Variants in TAS2R42 observed in about 807,000 individuals in gnomAD.
The protein encoded by TAS2R42 is taste receptor type 2 member 42.
For synonymous variants in TAS2R42, 138 were observed against 133.0 expected (o/e 1.04, Z -0.26); for missense variants, 356 against 356.9 (o/e 1.00, Z 0.02).
chr12:11,186,362 G>T lies in TAS2R42; in HGVS notation c.576C>A (p.Pro192=). The T allele has an allele frequency of 6.2e-7, 1 of 1,612,398 alleles. No individual in the cohort carries two copies. Among genetic ancestry groups the T allele is most frequent in the South Asian group, 1.1e-5 (1 of 91,020 alleles). ...GCAAGGAGGTCAGGAACAGAGAAAA[G>T]GGGATAAAACTGGTCAAGCTGAGAA... ...KTLLSLTSFI[P]FSLFLTSLLF... Residue 192 remains proline (P), a synonymous_variant, in exon 1 of 1, where the codon CCC becomes CCA. Transcript: ENST00000334266.
At position 11,186,435 on chromosome 12, in the gene TAS2R42, A is replaced by G. The variant is rs762510873; in HGVS notation, c.503T>C (p.Leu168Ser). 8.1e-6 allele frequency: 13 copies of G among 1,603,830 alleles called. No homozygotes were observed. The highest frequency in any genetic ancestry group is 3.3e-4 in the Middle Eastern group (2 of 5,990). Reference sequence around the variant, plus strand: ...ATCATAGAGAGTTTTACTTTCATCTAAATATAAAGTCAGATTACTTTTATC... The same window carrying G: ...ATCATAGAGAGTTTTACTTTCATCTGAATATAAAGTCAGATTACTTTTATC... ...IIDKSNLTLY[L>S]DESKTLYDKL... The change falls in exon 1 of 1, where the codon TTA (leucine) becomes TCA (serine). Residue 168 changes from leucine to serine, a missense_variant. Coordinates refer to ENST00000334266, the MANE Select transcript of TAS2R42 (RefSeq NM_181429.2).
the TAS2R42 span, chr12:11,186,400 TAGAG>T: frequency 5.5e-5 from 89 of 1,607,462 alleles, no homozygotes; most frequent in Middle Eastern, 5.0e-4. Context: ...GTTTTTAAAA[TAGAG>T]AGTTTATCAT....
Position 11,186,634 on chromosome 12 carries a change from A to G in TAS2R42, c.304T>C (p.Cys102Arg). ...TTAAAGAAATAGAAAATGCTTAGGCAGGTGGCAAGCCAGGTTGTCAAGTGA... is the reference window on the plus strand; with the variant it reads ...TTAAAGAAATAGAAAATGCTTAGGCGGGTGGCAAGCCAGGTTGTCAAGTGA... ...TNHLTTWLAT[C>R]LSIFYFFKIA... Residue 102 changes from cysteine (C) to arginine (R), a missense_variant, in exon 1 of 1, where the codon TGC becomes CGC. Physicochemically the swap from Cys to Arg is radical, Grantham distance 180. Coordinates refer to ENST00000334266, the MANE Select transcript of TAS2R42 (RefSeq NM_181429.2). 6.2e-7 allele frequency: 1 copy of G among 1,614,128 alleles called. No individual in the cohort carries two copies. The highest frequency in any genetic ancestry group is 2.2e-5 in the East Asian group (1 of 44,882).
At position 11,186,652 on chromosome 12, in the gene TAS2R42, T is replaced by A. The variant is rs757650610; in HGVS notation, c.286A>T (p.Thr96Ser). Residue 96 changes from threonine (T) to serine (S), a missense_variant, in exon 1 of 1, where the codon ACA becomes TCA. Physicochemically the swap from Thr to Ser is moderately conservative, Grantham distance 58 (BLOSUM62 1). Coordinates refer to ENST00000334266, the MANE Select transcript of TAS2R42 (RefSeq NM_181429.2). ...CTTAGGCAGGTGGCAAGCCAGGTTG[T>A]CAAGTGATTAGTCATGTGCCAAAGC... ...IMLWHMTNHL[T>S]TWLATCLSIF... 7 of 1,614,098 alleles carry A rather than the reference T, an allele frequency of 4.3e-6. No homozygotes were observed. In the South Asian group the frequency reaches 7.7e-5, roughly 18 times the overall value.
rs139960283 is a variant in TAS2R42 at position 11,185,997 on chromosome 12, A to C, written c.941T>G (p.Leu314Trp). 1.4e-3 allele frequency: 2,269 copies of C among 1,577,062 alleles called. 40 individuals carry two copies. The African/African-American group carries it at 0.028, about 20-fold the overall frequency. ...NYTKTPNPLPL is the reference protein window; with the variant it reads ...NYTKTPNPLPW ...AAAAGCTTCTGTAAAGTCTGTCTACAAAGGTAAAGGGTTTGGTGTTTTTGT... is the reference window on the plus strand; with the variant it reads ...AAAAGCTTCTGTAAAGTCTGTCTACCAAGGTAAAGGGTTTGGTGTTTTTGT... The change falls in exon 1 of 1, where the codon TTG (leucine) becomes TGG (tryptophan). Residue 314 changes from leucine (L) to tryptophan (W), a missense_variant. Physicochemically the swap from Leu to Trp is moderately conservative, Grantham distance 61. Transcript: ENST00000334266.
Position 11,186,168 on chromosome 12 carries a change from A to G in TAS2R42, c.770T>C (p.Phe257Ser). 3 of 1,614,046 alleles carry G rather than the reference A, an allele frequency of 1.9e-6. No homozygotes were observed. The highest frequency in any genetic ancestry group is 2.2e-5 in the South Asian group (2 of 91,068). ...FFSLQVANWIFFMLWNNKCIK... is the reference protein window; with the variant it reads ...FFSLQVANWISFMLWNNKCIK... Reference sequence around the variant, plus strand: ...GCACTTGTTGTTCCACAACATAAAAAATATCCAATTGGCCACTTGTAAGGA... The same window carrying G: ...GCACTTGTTGTTCCACAACATAAAAGATATCCAATTGGCCACTTGTAAGGA... Residue 257 changes from phenylalanine to serine, a missense_variant, in exon 1 of 1, where the codon TTT becomes TCT. By Grantham distance (155) the Phe-to-Ser change is radical (BLOSUM62 -2). Coordinates refer to ENST00000334266, the MANE Select transcript of TAS2R42 (RefSeq NM_181429.2).
chr12:11,186,073 T>C lies in TAS2R42; in HGVS notation c.865A>G (p.Ser289Gly). The change falls in exon 1 of 1, where the codon AGC becomes GGC. Residue 289 changes from serine (S) to glycine (G), a missense_variant. By Grantham distance (56) the Ser-to-Gly change is moderately conservative. Coordinates refer to ENST00000334266, the MANE Select transcript of TAS2R42 (RefSeq NM_181429.2). ...CTCACAGCTGTCTGTTGCAGCTTGC[T>C]GTTTCCCAGAATGAGAATAAATGAG... ...CHSFILILGNSKLQQTAVRLL... is the reference protein window; with the variant it reads ...CHSFILILGNGKLQQTAVRLL... 1 of 1,614,052 alleles carries C rather than the reference T, an allele frequency of 6.2e-7. No homozygotes were observed. Among genetic ancestry groups the C allele is most frequent in the Non-Finnish European group, 8.5e-7 (1 of 1,179,942 alleles).
rs981527552 is a variant in TAS2R42, at chr12:11,186,228, A to C, written c.710T>G (p.Met237Arg). The C allele has an allele frequency of 1.2e-6, 2 of 1,613,448 alleles. No individual in the cohort carries two copies. Among genetic ancestry groups the C allele is most frequent in the East Asian group, 4.5e-5 (2 of 44,878 alleles). ...EAHRRAMKMV[M>R]SFLFLFIVHF... Reference sequence around the variant, plus strand: ...AACTATGAAGAGGAAAAGGAAAGACATCACCATTTTCATGGCCCTCCTATG... The same window carrying C: ...AACTATGAAGAGGAAAAGGAAAGACCTCACCATTTTCATGGCCCTCCTATG... The change falls in exon 1 of 1, where the codon ATG (methionine) becomes AGG (arginine). Residue 237 changes from methionine (M) to arginine (R), a missense_variant. Met to Arg is a moderately conservative substitution (Grantham distance 91). Transcript: ENST00000334266.
chr12:11,186,108 G>C lies in TAS2R42; in HGVS notation c.830C>G (p.Pro277Arg). The C allele has an allele frequency of 6.2e-7, 1 of 1,613,982 alleles. No homozygotes were observed. The highest frequency in any genetic ancestry group is 8.5e-7 in the Non-Finnish European group (1 of 1,179,910). ...AATGAGAATAAATGAGTGGCACGAGGGAAAGGCATTTAAGGCTAACATGAC... is the reference window on the plus strand; with the variant it reads ...AATGAGAATAAATGAGTGGCACGAGCGAAAGGCATTTAAGGCTAACATGAC... ...KFVMLALNAFPSCHSFILILG... is the reference protein window; with the variant it reads ...KFVMLALNAFRSCHSFILILG... The change falls in exon 1 of 1, where the codon CCC becomes CGC. Residue 277 changes from proline (P) to arginine (R), a missense_variant. By Grantham distance (103) the Pro-to-Arg change is moderately radical. Coordinates refer to ENST00000334266, the MANE Select transcript of TAS2R42 (RefSeq NM_181429.2).
At chr12:11,186,192 GA>G in the TAS2R42 span, 20 of 1,610,960 alleles carry the variant, frequency 1.2e-5, no homozygotes, top group Admixed American at 5.1e-5. Context: ...CACTTGTAAG[GA>G]AAAAAAATGA....
rs149471990 is a variant in TAS2R42 at position 11,186,771 on chromosome 12, A to G, written c.167T>C (p.Ile56Thr). 8 of 1,613,970 alleles carry G rather than the reference A, an allele frequency of 5.0e-6. No individual in the cohort carries two copies. The highest frequency in any genetic ancestry group is 1.1e-5 in the South Asian group (1 of 91,082). ...AAACAGTATCACCAACAGTTGTCCA[A>G]TTGTGGAGATAGCCAAGCAGGTGAG... ...FILTCLAIST[I>T]GQLLVILFDS... Residue 56 changes from isoleucine (I) to threonine (T), a missense_variant, in exon 1 of 1, where the codon ATT becomes ACT. Transcript: ENST00000334266.
chr12:11,186,863 C>T lies in TAS2R42; in HGVS notation c.75G>A (p.Val25=). The change falls in exon 1 of 1, where the codon GTG becomes GTA. Residue 25 remains valine (V), a synonymous_variant. Transcript: ENST00000334266. ...CAGAGCAGTTTACCAGTCCAATGAA[C>T]ACATTCCCCAGCATGCTGATGATGA... is the stretch of plus-strand genomic sequence containing the variant. ...AEFIISMLGN[V]FIGLVNCSEG... is the part of the protein sequence containing the mutation. 1 of 1,613,980 alleles carries T rather than the reference C, an allele frequency of 6.2e-7. No individual in the cohort carries two copies. Among genetic ancestry groups the T allele is most frequent in the South Asian group, 1.1e-5 (1 of 91,072 alleles).
In TAS2R42 at chr12:11,186,529, A is replaced by G; in HGVS notation, c.409T>C (p.Ser137Pro). The part of the protein sequence containing the change: ...NGMIVMLLIL[S>P]LFLLIFDSLV... Reference sequence around the variant, plus strand: ...CTGTCAAAAATCAGTAAGAACAAAGACAATATAAGAAGCATAACAATCATT... The same window carrying G: ...CTGTCAAAAATCAGTAAGAACAAAGGCAATATAAGAAGCATAACAATCATT... Residue 137 changes from serine (S) to proline (P), a missense_variant, in exon 1 of 1, where the codon TCT becomes CCT. Physicochemically the swap from Ser to Pro is moderately conservative, Grantham distance 74. Transcript: ENST00000334266. 1 of 1,613,856 alleles carries G rather than the reference A, an allele frequency of 6.2e-7. No homozygotes were observed. The highest frequency in any genetic ancestry group is 8.5e-7 in the Non-Finnish European group (1 of 1,179,914).
At chr12:11,186,137 CT>C in the TAS2R42 span, 5 of 1,613,952 alleles carry the variant, frequency 3.1e-6, no homozygotes, top group Non-Finnish European at 4.2e-6. Flanking sequence ...ACATGACAAA[CT>C]TTATGCACTT....
At position 11,186,013 on chromosome 12, in the gene TAS2R42, G is replaced by T; in HGVS notation, c.925C>A (p.Pro309Thr). The T allele has an allele frequency of 6.2e-7, 1 of 1,605,380 alleles. No homozygotes were observed. ...TCTGTCTACAAAGGTAAAGGGTTTGGTGTTTTTGTATAGTTCCTAAGATGC... is the reference window on the plus strand; with the variant it reads ...TCTGTCTACAAAGGTAAAGGGTTTGTTGTTTTTGTATAGTTCCTAAGATGC... ...LWHLRNYTKT[P>T]NPLPL The change falls in exon 1 of 1, where the codon CCA becomes ACA. Residue 309 changes from proline (P) to threonine (T), a missense_variant. Pro to Thr is a conservative substitution (Grantham distance 38). Coordinates refer to ENST00000334266, the MANE Select transcript of TAS2R42 (RefSeq NM_181429.2).
rs1303370779 is a variant in TAS2R42, at chr12:11,186,233, C to G, written c.705G>C (p.Met235Ile). 6.2e-7 allele frequency: 1 copy of G among 1,613,686 alleles called. No homozygotes were observed. Among genetic ancestry groups the G allele is most frequent in the Non-Finnish European group, 8.5e-7 (1 of 1,179,896 alleles). The change falls in exon 1 of 1, where the codon ATG (methionine) becomes ATC (isoleucine). Residue 235 changes from methionine (M) to isoleucine (I), a missense_variant. Transcript: ENST00000334266. ...STEAHRRAMK[M>I]VMSFLFLFIV... is the part of the protein sequence containing the mutation. ...TGAAGAGGAAAAGGAAAGACATCAC[C>G]ATTTTCATGGCCCTCCTATGGGCCT...
rs749621115 is a variant in TAS2R42, at chr12:11,186,287, A to G, written c.651T>C (p.Ser217=). The change falls in exon 1 of 1, where the codon AGT becomes AGC. Residue 217 remains serine (S), a synonymous_variant. Transcript: ENST00000334266. ...LVRHTRNLKL[S]SLGSRDSSTE... is the part of the protein sequence containing the mutation. Reference sequence around the variant, plus strand: ...TGCTGGAGTCTCTAGAGCCCAAGGAACTGAGCTTCAAATTTCTAGTATGTC... The same window carrying G: ...TGCTGGAGTCTCTAGAGCCCAAGGAGCTGAGCTTCAAATTTCTAGTATGTC... The G allele has an allele frequency of 6.2e-7, 1 of 1,614,096 alleles. No homozygotes were observed. The highest frequency in any genetic ancestry group is 2.2e-5 in the East Asian group (1 of 44,888).
rs762128695 is a variant in TAS2R42, at chr12:11,186,913, A to G, written c.25T>C (p.Phe9Leu). ...AATTCTGCTATTGCCAGAATCAGAA[A>G]GATTTTGTCCAATTCGGTGGCCATC... is the stretch of plus-strand genomic sequence containing the variant. Reference protein sequence around the residue: MATELDKIFLILAIAEFII... With the variant: MATELDKILLILAIAEFII... Residue 9 changes from phenylalanine to leucine, a missense_variant, in exon 1 of 1, where the codon TTT becomes CTT. Transcript: ENST00000334266. The G allele has an allele frequency of 1.9e-6, 3 of 1,611,672 alleles. No individual in the cohort carries two copies. The Admixed American group carries it at 5.0e-5, about 27-fold the overall frequency.
At position 11,186,282 on chromosome 12, in the gene TAS2R42, A is replaced by C. The variant is rs375998644; in HGVS notation, c.656T>G (p.Leu219Trp). 3.6e-5 allele frequency: 58 copies of C among 1,614,096 alleles called. No homozygotes were observed. The highest frequency in any genetic ancestry group is 1.7e-4 in the Middle Eastern group (1 of 6,056). ...CTCTGTGCTGGAGTCTCTAGAGCCC[A>C]AGGAACTGAGCTTCAAATTTCTAGT... ...RHTRNLKLSS[L>W]GSRDSSTEAH... Residue 219 changes from leucine to tryptophan, a missense_variant, in exon 1 of 1, where the codon TTG becomes TGG. Leu to Trp is a moderately conservative substitution (Grantham distance 61, BLOSUM62 -2). Transcript: ENST00000334266.
Sources: allele counts gnomAD v4.1 joint callset, GRCh38; gene constraint gnomAD v4.1.1; transcripts MANE v1.5; gene names NCBI Gene and HGNC (gene_info 2026-07-23, HGNC 2026-07-21).